RAPGEF1: variants seen among roughly 807,000 people sequenced by gnomAD.
RAPGEF1 encodes Rap guanine nucleotide exchange factor 1, also known as CRK SH3-binding GNRP.
In RAPGEF1, 33 loss-of-function variants were observed where a neutral mutation model predicts 143.3. The observed-to-expected ratio is 0.23, with a 90% CI of 0.17 to 0.31. The LOEUF is 0.31. Among genes scored for constraint, RAPGEF1 ranks in the 10% least tolerant of loss-of-function variants. RAPGEF1 has a pLI of 1.00. For missense variants in RAPGEF1, 1,199 were observed against 1,645.4 expected (o/e 0.73, Z 4.69); for synonymous variants, 629 against 676.5 (o/e 0.93, Z 1.09).
intron 1 of RAPGEF1, among the ~76,000 whole-genome samples, chr9:131,701,467 G>A (rs1834640578): frequency 6.6e-6 from 1 of 152,120 alleles, no homozygotes; most frequent in Non-Finnish European, 1.5e-5. Flanking sequence ...CTCCCAAATG[G>A]AAGCTCCTAA....
Position 131,650,649 on chromosome 9 carries a change from G to A in RAPGEF1, c.201+161C>T, listed in dbSNP as rs1970849540. Among the ~76,000 whole-genome samples the A allele has an allele frequency of 6.6e-6, 1 of 152,214 alleles. No individual in the cohort carries two copies. The highest frequency in any genetic ancestry group is 1.5e-5 in the Non-Finnish European group (1 of 68,038). On this transcript the variant is annotated intron_variant, in intron 2 of 26. Coordinates refer to ENST00000683357, the MANE Select transcript of RAPGEF1 (RefSeq NM_001377935.1). This position sits in a 1 kb window ranked among gnomAD's most constrained non-coding sequence, Gnocchi z 4.7. Reference sequence around the variant, plus strand: ...GTGGCAAACACTCACCATCCTAATGGTTCTTATTTTACAAGGACACCAAAG... The same window carrying A: ...GTGGCAAACACTCACCATCCTAATGATTCTTATTTTACAAGGACACCAAAG...
chr9:131,609,159 C>G (rs982171030), intron 12 of RAPGEF1, among the ~76,000 whole-genome samples: 2 of 151,902 alleles, frequency 1.3e-5, no homozygotes, highest in Non-Finnish European at 2.9e-5. Flanking sequence ...GGTCACATAG[C>G]CAGTCGAAAC....
chr9:131,658,542 G>A (rs1262693318), intron 1 of RAPGEF1, among the ~76,000 whole-genome samples: 1 of 152,144 alleles, frequency 6.6e-6, no homozygotes, highest in Non-Finnish European at 1.5e-5. Flanking sequence ...GCTTATATGA[G>A]CTTACAAACA....
chr9:131,682,553 A>G (rs772245852), intron 1 of RAPGEF1, among the ~76,000 whole-genome samples: 3 of 152,212 alleles, frequency 2.0e-5, no homozygotes, highest in Non-Finnish European at 2.9e-5. Flanking sequence ...GTGCGAATAC[A>G]TACAGGAGTC....
intron 1 of RAPGEF1, among the ~76,000 whole-genome samples, chr9:131,733,879 G>C (rs537855213): frequency 6.6e-6 from 1 of 152,260 alleles, no homozygotes; most frequent in South Asian, 2.1e-4. Context: ...CCTCCTATAA[G>C]GTCTCTTGGC....
chr9:131,603,646 C>T (rs1956631967), intron 14 of RAPGEF1, among the ~76,000 whole-genome samples: 1 of 152,162 alleles, frequency 6.6e-6, no homozygotes, highest in Admixed American at 6.5e-5. Flanking sequence ...GGAAGGAACC[C>T]CACAGAGAGC....
intron 10 of RAPGEF1, among the ~76,000 whole-genome samples, 181 bp from the exon 11 acceptor site, chr9:131,622,179 C>T (rs912394603): frequency 3.9e-5 from 6 of 152,166 alleles, no homozygotes; most frequent in Non-Finnish European, 7.3e-5. Flanking sequence ...GATGCGCTAA[C>T]GGAGGAGACA....
chr9:131,681,515 C>T (rs2130926434), intron 1 of RAPGEF1, among the ~76,000 whole-genome samples: 1 of 152,312 alleles, frequency 6.6e-6, no homozygotes, highest in Admixed American at 6.5e-5. Context: ...TGTAATGGGA[C>T]TGTTAAAGAA....
chr9:131,602,220 C>T, intron 14 of RAPGEF1, 71 bp from the exon 15 acceptor site: 2 of 1,193,308 alleles, frequency 1.7e-6, no homozygotes, highest in South Asian at 2.7e-5. Flanking sequence ...TCCCAGCATT[C>T]CTGCCTGCAA....
intron 1 of RAPGEF1, among the ~76,000 whole-genome samples, chr9:131,738,094 C>T (rs893283452): frequency 1.7e-4 from 26 of 152,014 alleles, no homozygotes; most frequent in African/African-American, 5.6e-4. Flanking sequence ...GGATTACAGG[C>T]GTGAGCCACT....
In RAPGEF1 at chr9:131,650,359, G is replaced by A. The variant is rs1217418179; in HGVS notation, c.202-117C>T. On this transcript the variant is annotated intron_variant, in intron 2 of 26. Transcript: ENST00000683357. The surrounding 1 kb of genome is among the most constrained non-coding windows in gnomAD (Gnocchi z 4.7). ...CATATCTGGCTTGACTGGCCCTGCT[G>A]AGGCCACTAACTCTTGAGGACATCT... The A allele has an allele frequency of 2.2e-5, 16 of 722,490 alleles. No homozygotes were observed. The East Asian group carries it at 4.0e-4, about 18-fold the overall frequency. The allele number at this position is 722,490 out of a possible 1,614,324, so 44.8% of individuals were successfully genotyped here.
chr9:131,619,975 T>C (rs1337005310), intron 11 of RAPGEF1, among the ~76,000 whole-genome samples: 1 of 152,142 alleles, frequency 6.6e-6, no homozygotes, highest in East Asian at 1.9e-4. Context: ...TCGCTGGCTC[T>C]GTCTGCCTCA....
At chr9:131,653,961 G>A (rs944704752) in intron 1 of RAPGEF1, among the ~76,000 whole-genome samples, 6 of 152,198 alleles carry the variant, frequency 3.9e-5, no homozygotes, top group Non-Finnish European at 1.5e-5. Context: ...AATAAATTAA[G>A]TACGGATCAG....
At chr9:131,592,215 C>T in intron 17 of RAPGEF1, 32 bp from the exon 18 acceptor site, 1 of 1,541,528 alleles carries the variant, frequency 6.5e-7, no homozygotes, top group Non-Finnish European at 9.0e-7. Context: ...AACTGCTTGT[C>T]TGGGTGCAGA....
intron 1 of RAPGEF1, among the ~76,000 whole-genome samples, chr9:131,673,025 C>G (rs1831663716): frequency 6.6e-6 from 1 of 152,200 alleles, no homozygotes; most frequent in Non-Finnish European, 1.5e-5. Context: ...TGCTTCAGGG[C>G]TTGCTTGTTT....
chr9:131,588,199 G>A (rs1261386540), intron 20 of RAPGEF1, among the ~76,000 whole-genome samples, 173 bp from the exon 21 acceptor site: 4 of 152,234 alleles, frequency 2.6e-5, no homozygotes, highest in African/African-American at 9.6e-5. Flanking sequence ...ATGGCCTCCT[G>A]CCTCTCTCCG....
At chr9:131,585,248 A>G (rs574094017) in intron 22 of RAPGEF1, among the ~76,000 whole-genome samples, 1 of 152,122 alleles carries the variant, frequency 6.6e-6, no homozygotes, top group Non-Finnish European at 1.5e-5. Context: ...TGCTGTGAGT[A>G]TATCTCACTG....
chr9:131,621,223 C>A lies in RAPGEF1; in HGVS notation c.1905+573G>T, dbSNP rs187306657. Among the ~76,000 whole-genome samples, 1 of 152,346 alleles carries A rather than the reference C, an allele frequency of 6.6e-6. No homozygotes were observed. The highest frequency in any genetic ancestry group is 2.4e-5 in the African/African-American group (1 of 41,586). On this transcript the variant is annotated intron_variant, in intron 11 of 26. Coordinates refer to ENST00000683357, the MANE Select transcript of RAPGEF1 (RefSeq NM_001377935.1). The surrounding 1 kb of genome is among the most constrained non-coding windows in gnomAD (Gnocchi z 4.5). ...CGTGCTTCCTTACATGCACAGGAGTCCTTAGCACACGAGTGTTTTCTAGAA... is the reference window on the plus strand; with the variant it reads ...CGTGCTTCCTTACATGCACAGGAGTACTTAGCACACGAGTGTTTTCTAGAA...
At chr9:131,648,949 A>G (rs571336294) in intron 3 of RAPGEF1, among the ~76,000 whole-genome samples, 2 of 152,358 alleles carry the variant, frequency 1.3e-5, no homozygotes, top group South Asian at 4.1e-4. Context: ...TCTGCTACAT[A>G]GAAATTATAC....
Sources: gnomAD v4.1 joint callset for allele counts (sites outside exome capture counted in the v4.1 genomes callset) on GRCh38, gnomAD v4.1.1 for gene constraint, Gnocchi (gnomAD v3.1) non-coding constraint, MANE v1.5 for transcripts, NCBI Gene and HGNC (gene_info 2026-07-23, HGNC 2026-07-21) for gene names.